Variants in MYO1D observed in about 807,000 individuals in gnomAD.
MYO1D encodes the protein unconventional myosin-Id.
A neutral mutation model predicts 122.0 loss-of-function variants in MYO1D; 83 were observed. The ratio of observed to expected loss-of-function variants is 0.68; its 90% CI spans 0.57 to 0.82. The LOEUF (loss-of-function observed/expected upper bound fraction) is 0.82. Ranked by LOEUF, MYO1D falls within the 40% of genes least tolerant of loss-of-function variation. The pLI, the probability that MYO1D is intolerant of heterozygous loss-of-function variation, is 0.00. For missense variants in MYO1D, 1,157 were observed against 1,269.5 expected (o/e 0.91, Z 1.35); for synonymous variants, 464 against 446.9 (o/e 1.04, Z -0.48).
chr17:32,777,739 A>G (rs1029503312), intron 3 of MYO1D, among the ~76,000 whole-genome samples: 3 of 151,888 alleles, frequency 2.0e-5, no homozygotes, highest in Non-Finnish European at 4.4e-5. Flanking sequence ...AGGTCAGGAG[A>G]TCGAGACCAC....
intron 1 of MYO1D, among the ~76,000 whole-genome samples, chr17:32,788,282 G>A (rs193233316): frequency 4.8e-4 from 73 of 152,212 alleles, no homozygotes; most frequent in Non-Finnish European, 7.9e-4. Context: ...CTGTGCAGAA[G>A]CTTTTTAGTT....
intron 1 of MYO1D, among the ~76,000 whole-genome samples, chr17:32,861,873 C>T (rs2091080099): frequency 6.6e-6 from 1 of 152,068 alleles, no homozygotes; most frequent in Admixed American, 6.6e-5. Context: ...TAAAAATTAG[C>T]TGGGCATAGT....
chr17:32,817,713 T>C (rs2090623713), intron 1 of MYO1D, among the ~76,000 whole-genome samples: 1 of 152,228 alleles, frequency 6.6e-6, no homozygotes, highest in Non-Finnish European at 1.5e-5. Flanking sequence ...AGCGTTACCA[T>C]GCCAGGCACT....
At chr17:32,684,426 A>G (rs1167190486) in intron 16 of MYO1D, 1 of 152,178 alleles carries the variant, frequency 6.6e-6, no homozygotes, top group Non-Finnish European at 1.5e-5. Context: ...GACAAGGACT[A>G]TTTTCATTTT....
chr17:32,712,019 A>G lies in MYO1D; in HGVS notation c.2090T>C (p.Met697Thr), dbSNP rs1244063545. Reference protein sequence around the residue: ...LFTLEELRAQMLIRIVLFLQK... With the variant: ...LFTLEELRAQTLIRIVLFLQK... Reference sequence around the variant, plus strand: ...TAGAAAGAGGACAATCCTTATGAGCATCTGGGCACGGAGTTCTTCCAAGGT... The same window carrying G: ...TAGAAAGAGGACAATCCTTATGAGCGTCTGGGCACGGAGTTCTTCCAAGGT... Residue 697 changes from methionine (M) to threonine (T), a missense_variant, in exon 16 of 22, where the codon ATG becomes ACG. Coordinates refer to ENST00000318217, the MANE Select transcript of MYO1D (RefSeq NM_015194.3). The G allele has an allele frequency of 7.4e-6, 12 of 1,614,038 alleles. No individual in the cohort carries two copies. The highest frequency in any genetic ancestry group is 1.3e-5 in the African/African-American group (1 of 74,924).
intron 21 of MYO1D, chr17:32,530,183 C>T (rs1597879093): frequency 6.6e-6 from 1 of 152,220 alleles, no homozygotes; most frequent in South Asian, 2.1e-4. Flanking sequence ...CATCGAGCCG[C>T]TCCATTACAC....
intron 16 of MYO1D, among the ~76,000 whole-genome samples, chr17:32,678,738 T>C (rs1371087706): frequency 6.8e-6 from 1 of 148,000 alleles, no homozygotes; most frequent in Admixed American, 6.6e-5. Flanking sequence ...TGTGTCTTTA[T>C]AGCAGCATGA....
At chr17:32,790,484 C>A (rs2090339542) in intron 1 of MYO1D, among the ~76,000 whole-genome samples, 1 of 152,192 alleles carries the variant, frequency 6.6e-6, no homozygotes, top group African/African-American at 2.4e-5. Context: ...ATACCGGTCA[C>A]AAGTTGTTTT....
intron 1 of MYO1D, among the ~76,000 whole-genome samples, chr17:32,805,918 ACTGCCTT>A (rs1368543509): frequency 6.6e-6 from 1 of 152,174 alleles, no homozygotes; most frequent in African/African-American, 2.4e-5. Context: ...CAACGAATAA[ACTGCCTT>A]CTGGGGTTTG....
At chr17:32,841,013 G>C (rs1007109634) in intron 1 of MYO1D, among the ~76,000 whole-genome samples, 1 of 152,184 alleles carries the variant, frequency 6.6e-6, no homozygotes, top group African/African-American at 2.4e-5. Flanking sequence ...GTATAAAATA[G>C]GCTTTATGTT....
intron 1 of MYO1D, among the ~76,000 whole-genome samples, chr17:32,799,327 C>T (rs552431671): frequency 4.6e-5 from 7 of 152,160 alleles, no homozygotes; most frequent in Admixed American, 3.9e-4. Context: ...AGATTGGTTG[C>T]CAATTTAAGA....
chr17:32,583,749 T>TC (rs2087362958), intron 21 of MYO1D, among the ~76,000 whole-genome samples: 2 of 151,790 alleles, frequency 1.3e-5, no homozygotes, highest in South Asian at 4.2e-4. Flanking sequence ...GTTCTTTGTT[T>TC]TTTTTTTTGA....
At chr17:32,729,464 G>T (rs563028868) in intron 14 of MYO1D, among the ~76,000 whole-genome samples, 1 of 152,092 alleles carries the variant, frequency 6.6e-6, no homozygotes, top group Non-Finnish European at 1.5e-5. Context: ...AGCCAGGGAC[G>T]TCTACTTCTG....
At chr17:32,782,934 T>TAAAAAAAAAAAAAATCCTAA (rs5819996) in intron 1 of MYO1D, among the ~76,000 whole-genome samples, 1 of 147,178 alleles carries the variant, frequency 6.8e-6, no homozygotes, top group Non-Finnish European at 1.5e-5. Context: ...GACTCCATCT[T>TAAAAAAAAAAAAAATCCTAA]AAAAAAAAAA....
Position 32,659,326 on chromosome 17 carries a change from T to A in MYO1D, c.2134A>T (p.Thr712Ser). ...CTTTTGTACCGCATGCGGGCCAGGGTGCCCCGCCACACCTTCACAATAGAG... is the reference window on the plus strand; with the variant it reads ...CTTTTGTACCGCATGCGGGCCAGGGAGCCCCGCCACACCTTCACAATAGAG... ...VLFLQKVWRGTLARMRYKRTK... is the reference protein window; with the variant it reads ...VLFLQKVWRGSLARMRYKRTK... The change falls in exon 17 of 22, where the codon ACC becomes TCC. Residue 712 changes from threonine (T) to serine (S), a missense_variant. Thr to Ser is a moderately conservative substitution (Grantham distance 58, BLOSUM62 1). Coordinates refer to ENST00000318217, the MANE Select transcript of MYO1D (RefSeq NM_015194.3). 6.2e-7 allele frequency: 1 copy of A among 1,613,788 alleles called. No homozygotes were observed. The highest frequency in any genetic ancestry group is 8.5e-7 in the Non-Finnish European group (1 of 1,179,816).
chr17:32,643,390 T>C (rs1218351482), intron 19 of MYO1D, among the ~76,000 whole-genome samples: 1 of 152,198 alleles, frequency 6.6e-6, no homozygotes, highest in Non-Finnish European at 1.5e-5. Context: ...TTCTCTTTTT[T>C]TGTTGTGTCT....
intron 1 of MYO1D, among the ~76,000 whole-genome samples, chr17:32,831,212 C>A (rs993013317): frequency 1.4e-4 from 21 of 152,270 alleles, no homozygotes; most frequent in Admixed American, 7.2e-4. Flanking sequence ...CTAATCTAAT[C>A]AGAAAAGGCT....
intron 21 of MYO1D, among the ~76,000 whole-genome samples, chr17:32,576,225 G>T (rs1193303945): frequency 6.6e-6 from 1 of 152,164 alleles, no homozygotes; most frequent in African/African-American, 2.4e-5. Context: ...TGCTATTTAG[G>T]TTCTAAGCAC....
In MYO1D at chr17:32,765,056, C is replaced by A; in HGVS notation, c.857G>T (p.Gly286Val). 1 of 1,613,014 alleles carries A rather than the reference C, an allele frequency of 6.2e-7. No homozygotes were observed. Among genetic ancestry groups the A allele is most frequent in the Non-Finnish European group, 8.5e-7 (1 of 1,179,318 alleles). Residue 286 changes from glycine to valine, a missense_variant, in exon 8 of 22, where the codon GGT (glycine) becomes GTT (valine). Physicochemically the swap from Gly to Val is moderately radical, Grantham distance 109. Coordinates refer to ENST00000318217, the MANE Select transcript of MYO1D (RefSeq NM_015194.3). ...GCCATTCTCAATAAGAGGCGTGTCACCATCTACTACAAATTTTAAATTTCC... is the reference window on the plus strand; with the variant it reads ...GCCATTCTCAATAAGAGGCGTGTCAACATCTACTACAAATTTTAAATTTCC... The part of the protein sequence containing the change: ...HLGNLKFVVD[G>V]DTPLIENGKV...
Sources: allele counts gnomAD v4.1 joint callset (sites outside exome capture counted in the v4.1 genomes callset), GRCh38; gene constraint gnomAD v4.1.1; transcripts MANE v1.5; gene names NCBI Gene and HGNC (gene_info 2026-07-23, HGNC 2026-07-21).